The following EVC2 variants were observed in gnomAD, a reference collection of about 807,000 sequenced individuals.
EVC2 encodes limbin.
A neutral mutation model predicts 149.3 loss-of-function variants in EVC2; 148 were observed. That is an observed-to-expected ratio of 0.99 (90% CI 0.87 to 1.14). The LOEUF is 1.14. Ranked by LOEUF, EVC2 falls within the 50% of genes most tolerant of loss-of-function variation. The probability of loss-of-function intolerance (pLI) is 0.00; values close to 1 mark genes in which losing one functional copy is unlikely to be tolerated. For missense variants in EVC2, 1,854 were observed against 1,627.3 expected (o/e 1.14, Z -2.40); for synonymous variants, 776 against 649.9 (o/e 1.19, Z -2.95).
intron 7 of EVC2, among the ~76,000 whole-genome samples, chr4:5,676,767 C>T (rs1720022824): frequency 6.6e-6 from 1 of 152,194 alleles, no homozygotes; most frequent in Non-Finnish European, 1.5e-5. Flanking sequence ...TCTCTCTCTG[C>T]TGTCAGTGTC....
intron 6 of EVC2, among the ~76,000 whole-genome samples, chr4:5,683,004 G>A (rs748236356): frequency 1.1e-4 from 16 of 152,202 alleles, no homozygotes; most frequent in Admixed American, 6.5e-5. Flanking sequence ...GCAAATCCCC[G>A]ATCCATGCCC....
At position 5,650,155 on chromosome 4, in the gene EVC2, G is replaced by A. The variant is rs146927582; in HGVS notation, c.1146-9317C>T. On this transcript the variant is annotated intron_variant, in intron 9 of 21. Transcript: ENST00000344408. ...TCCAGGCCTCGAGCTACTCCTTAAA[G>A]GGGGCAAAGATGCAGACAGATGCCA... Among the ~76,000 whole-genome samples, 826 of 152,232 alleles carry A rather than the reference G, an allele frequency of 5.4e-3. 2 individuals are homozygous for A. The highest frequency in any genetic ancestry group is 0.012 in the Admixed American group (178 of 15,284).
intron 11 of EVC2, among the ~76,000 whole-genome samples, chr4:5,631,484 G>C (rs953495824): frequency 2.6e-5 from 4 of 151,662 alleles, no homozygotes; most frequent in Non-Finnish European, 5.9e-5. Flanking sequence ...CGTGGGTGTG[G>C]GCATTCTATC....
At chr4:5,585,025 G>A (rs371949625) in intron 16 of EVC2, among the ~76,000 whole-genome samples, 175 bp from the exon 17 acceptor site, 7 of 152,258 alleles carry the variant, frequency 4.6e-5, no homozygotes, top group South Asian at 2.1e-4. Flanking sequence ...CTGTCCCTGC[G>A]TATGAAGACG....
intron 9 of EVC2, among the ~76,000 whole-genome samples, chr4:5,653,628 G>C (rs1019625509): frequency 6.6e-6 from 1 of 152,172 alleles, no homozygotes; most frequent in Admixed American, 6.5e-5. Flanking sequence ...TGAACAGACT[G>C]TGAACTTTAG....
At chr4:5,628,847 A>T (rs1716325220) in intron 11 of EVC2, 113 bp from the exon 12 acceptor site, 4 of 1,138,568 alleles carry the variant, frequency 3.5e-6, no homozygotes, top group Non-Finnish European at 4.9e-6. Context: ...ACAAGAAAAG[A>T]AACATGAGAA....
rs982209857 is a variant in EVC2 at position 5,622,411 on chromosome 4, C to T, written c.2501+126G>A. On this transcript the variant is annotated intron_variant, in intron 14 of 21. Transcript: ENST00000344408. The surrounding 1 kb of genome is among the most constrained non-coding windows in gnomAD (Gnocchi z 5.8). ...GCGTTGAGTTTATATGACTAATTAA[C>T]GCTGGTAATCTCATCTGTCTGGGGC... 6.4e-6 allele frequency: 7 copies of T among 1,096,554 alleles called. No individual in the cohort carries two copies. Among genetic ancestry groups the T allele is most frequent in the East Asian group, 2.7e-5 (1 of 37,676 alleles). 67.9% of individuals were successfully genotyped at this position (1,096,554 alleles called of 1,614,324 possible). A position where few individuals can be genotyped will look rare whatever the true frequency, so the allele number is the denominator to read the frequency against.
chr4:5,616,465 G>C (rs1715262800), intron 15 of EVC2, among the ~76,000 whole-genome samples: 1 of 152,238 alleles, frequency 6.6e-6, no homozygotes, highest in Non-Finnish European at 1.5e-5. Context: ...AGATCAAAGA[G>C]AAGTATGTGG....
At chr4:5,624,552 A>G (rs1194615048) in intron 13 of EVC2, among the ~76,000 whole-genome samples, 1 of 152,212 alleles carries the variant, frequency 6.6e-6, no homozygotes, top group African/African-American at 2.4e-5. Context: ...GGCCACTTGT[A>G]ATGTTTATCA....
rs188189746 is a variant in EVC2, at chr4:5,706,173, C to G, written c.228+2113G>C. ...CTGACCTTCCAGACTAAATGACCTC[C>G]TTCCTCCACCCTCTCTCACGGCTCC... On this transcript the variant is annotated intron_variant, in intron 1 of 21. Transcript: ENST00000344408. 6.6e-5 allele frequency among the ~76,000 whole-genome samples: 10 copies of G among 151,988 alleles called. No homozygotes were observed. In the East Asian group the frequency reaches 1.9e-3, roughly 30 times the overall value.
At chr4:5,645,768 G>A (rs1717666580) in intron 9 of EVC2, among the ~76,000 whole-genome samples, 1 of 152,100 alleles carries the variant, frequency 6.6e-6, no homozygotes, top group Non-Finnish European at 1.5e-5. Flanking sequence ...AGTCCTTTGG[G>A]TATATACTCA....
At chr4:5,585,514 A>C (rs1283507059) in intron 16 of EVC2, among the ~76,000 whole-genome samples, 1 of 152,222 alleles carries the variant, frequency 6.6e-6, no homozygotes, top group African/African-American at 2.4e-5. Context: ...TAAGCTCTGC[A>C]TGCCTACGCT....
chr4:5,563,471 T>C (rs982050632), intron 21 of EVC2, among the ~76,000 whole-genome samples: 9 of 152,192 alleles, frequency 5.9e-5, no homozygotes, highest in African/African-American at 2.2e-4. Flanking sequence ...CTTAGCCTCC[T>C]GAGTAACTGG....
chr4:5,597,473 A>G (rs1263320459), intron 16 of EVC2, among the ~76,000 whole-genome samples: 1 of 151,588 alleles, frequency 6.6e-6, no homozygotes, highest in African/African-American at 2.4e-5. Flanking sequence ...AAACCACATG[A>G]TTATCTCAAT....
chr4:5,628,140 G>C (rs1022353541), intron 12 of EVC2, among the ~76,000 whole-genome samples: 1 of 152,148 alleles, frequency 6.6e-6, no homozygotes, highest in South Asian at 2.1e-4. Context: ...AAACAGTAGT[G>C]GGTCTCCAGT....
chr4:5,537,906 A>G (rs188448735), downstream of EVC2, among the ~76,000 whole-genome samples: 8 of 152,288 alleles, frequency 5.3e-5, no homozygotes, highest in East Asian at 1.5e-3. Context: ...TTAAACCTAA[A>G]GTAAGCCAAA....
chr4:5,665,562 T>C lies in EVC2; in HGVS notation c.958A>G (p.Met320Val). The change falls in exon 8 of 22, where the codon ATG becomes GTG. Residue 320 changes from methionine (M) to valine (V), a missense_variant. Met to Val is a conservative substitution (Grantham distance 21, BLOSUM62 1). Transcript: ENST00000344408. ...CCCTTCAGACACTGATAGCGAACCA[T>C]GAGGAAGAGGGCAGCCCAGGTCAGC... ...LVLTWAALFL[M>V]VRYQCLKGNM... 3.1e-6 allele frequency: 5 copies of C among 1,614,096 alleles called. No homozygotes were observed. The highest frequency in any genetic ancestry group is 4.2e-6 in the Non-Finnish European group (5 of 1,180,012).
chr4:5,577,791 A>G (rs1387475172), intron 17 of EVC2, among the ~76,000 whole-genome samples: 1 of 152,034 alleles, frequency 6.6e-6, no homozygotes, highest in Non-Finnish European at 1.5e-5. Context: ...TGAGATGTGG[A>G]ACTATGACCA....
intron 7 of EVC2, among the ~76,000 whole-genome samples, chr4:5,678,139 C>T (rs1720114633): frequency 6.6e-6 from 1 of 152,192 alleles, no homozygotes; most frequent in South Asian, 2.1e-4. Flanking sequence ...AGGGTTTCCA[C>T]TATTTTCTGG....
Sources: allele counts gnomAD v4.1 joint callset (sites outside exome capture counted in the v4.1 genomes callset), GRCh38; gene constraint gnomAD v4.1.1; non-coding constraint Gnocchi (gnomAD v3.1); transcripts MANE v1.5; gene names NCBI Gene and HGNC (gene_info 2026-07-23, HGNC 2026-07-21).